ATAD2B: variants seen among roughly 807,000 people sequenced by gnomAD.
ATAD2B encodes ATPase family AAA domain containing 2B.
A neutral mutation model predicts 167.6 loss-of-function variants in ATAD2B; 40 were observed. The ratio of observed to expected loss-of-function variants is 0.24; its 90% CI spans 0.19 to 0.31. The LOEUF (loss-of-function observed/expected upper bound fraction) is 0.31, where lower values mean the gene tolerates loss of function less well. Among genes scored for constraint, ATAD2B ranks in the 10% least tolerant of loss-of-function variants. The pLI is 1.00. For missense variants in ATAD2B, 1,242 were observed against 1,757.2 expected, an observed-to-expected ratio of 0.71 and a Z score of 5.24; for synonymous variants, 579 against 596.5, an observed-to-expected ratio of 0.97 and a Z score of 0.43.
At chr2:23,762,424 A>C in intron 23 of ATAD2B, 78 bp from the exon 24 acceptor site, 3 of 1,438,358 alleles carry the variant, frequency 2.1e-6, no homozygotes, top group Non-Finnish European at 2.8e-6. Flanking sequence ...AAAATCTCAA[A>C]TACAAAACTG....
intron 13 of ATAD2B, among the ~76,000 whole-genome samples, chr2:23,851,440 C>A (rs1692551455): frequency 6.6e-6 from 1 of 152,198 alleles, no homozygotes; most frequent in Non-Finnish European, 1.5e-5. Flanking sequence ...TGTGCCCAGT[C>A]ATGAATAGTC....
At chr2:23,808,435 C>A (rs1226423356) in intron 18 of ATAD2B, among the ~76,000 whole-genome samples, 1 of 151,722 alleles carries the variant, frequency 6.6e-6, no homozygotes, top group African/African-American at 2.4e-5. Context: ...CTGTCCCCCT[C>A]AGCAACTTTT....
Position 23,863,567 on chromosome 2 carries a change from A to G in ATAD2B, c.1305-12T>C, listed in dbSNP as rs1694730377. The G allele has an allele frequency of 6.5e-7, 1 of 1,537,940 alleles. No homozygotes were observed. The highest frequency in any genetic ancestry group is 2.2e-5 in the Admixed American group (1 of 44,782). On this transcript the variant is annotated splice_polypyrimidine_tract_variant and intron_variant, in intron 11 of 27. Coordinates refer to ENST00000238789, the MANE Select transcript of ATAD2B (RefSeq NM_017552.4). ...AAAACAAACAGCCCCTAGAAGAATAAAAAAATCAAGAAGTGTAAATTATAT... is the reference window on the plus strand; with the variant it reads ...AAAACAAACAGCCCCTAGAAGAATAGAAAAATCAAGAAGTGTAAATTATAT...
Position 23,878,607 on chromosome 2 carries a change from C to T in ATAD2B, c.901+2032G>A, listed in dbSNP as rs1179520223. Among the ~76,000 whole-genome samples the T allele has an allele frequency of 6.6e-5, 10 of 151,998 alleles. No individual in the cohort carries two copies. In the East Asian group the frequency reaches 1.5e-3, roughly 23 times the overall value. ...CTGGGAGGCGGAGCTTGCAGTAAGC[C>T]GAGATCATGCCACTGCACTCCAGCC... On this transcript the variant is annotated intron_variant, in intron 7 of 27. Transcript: ENST00000238789.
intron 18 of ATAD2B, among the ~76,000 whole-genome samples, chr2:23,808,068 A>AATATATAAGTAATTATATAATTAT (rs1684832301): frequency 1.6e-5 from 1 of 60,952 alleles, no homozygotes; most frequent in African/African-American, 8.3e-5. Flanking sequence ...TATAAATTAT[A>AATATATAAGTAATTATATAATTAT]ATATATAAGT....
intron 24 of ATAD2B, among the ~76,000 whole-genome samples, chr2:23,761,464 A>C (rs554824956): frequency 6.6e-6 from 1 of 152,232 alleles, no homozygotes; most frequent in Non-Finnish European, 1.5e-5. Context: ...CAGTAAGTAC[A>C]ATGCAAATAT....
At chr2:23,754,412 A>G in intron 26 of ATAD2B, 105 bp from the exon 27 acceptor site, 1 of 1,256,552 alleles carries the variant, frequency 8.0e-7, no homozygotes, top group Non-Finnish European at 1.1e-6. Flanking sequence ...CGAGGATGTA[A>G]CAGTGAACAT....
the ATAD2B span, among the ~76,000 whole-genome samples, chr2:23,686,212 T>C: frequency 2.6e-5 from 4 of 151,626 alleles, no homozygotes; most frequent in African/African-American, 4.9e-5. Flanking sequence ...GACCCCATGC[T>C]AGGACCTGGG....
chr2:23,745,320 A>G (rs1172299525), downstream of ATAD2B, among the ~76,000 whole-genome samples: 1 of 151,002 alleles, frequency 6.6e-6, no homozygotes, highest in Non-Finnish European at 1.5e-5. Flanking sequence ...AAAGAAAGCA[A>G]GCGAGAAAGA....
At chr2:23,877,309 AC>A (rs1420863817) in intron 7 of ATAD2B, among the ~76,000 whole-genome samples, 1 of 151,262 alleles carries the variant, frequency 6.6e-6, no homozygotes, top group Non-Finnish European at 1.5e-5. Context: ...ACATGGTGAA[AC>A]CCCATCTCTA....
At chr2:23,877,533 G>A (rs1294357984) in intron 7 of ATAD2B, among the ~76,000 whole-genome samples, 2 of 85,046 alleles carry the variant, frequency 2.4e-5, no homozygotes, top group African/African-American at 9.2e-5. Flanking sequence ...AAGGGGAGGG[G>A]AGGGGAAGGG....
chr2:23,808,077 G>GTAATTATATATATAATTATATATATAAT (rs1194701678), intron 18 of ATAD2B, among the ~76,000 whole-genome samples: 18 of 122,784 alleles, frequency 1.5e-4, no homozygotes, highest in Non-Finnish European at 2.3e-4. Flanking sequence ...TAATATATAA[G>GTAATTATATATATAATTATATATATAAT]TAATTATATA....
chr2:23,683,064 C>T, the ATAD2B span, among the ~76,000 whole-genome samples: 4 of 152,362 alleles, frequency 2.6e-5, no homozygotes, highest in Middle Eastern at 6.8e-3. Context: ...GATCCTCAAT[C>T]CCCATTTTAC....
At chr2:23,732,158 T>C in the ATAD2B span, among the ~76,000 whole-genome samples, 1 of 152,040 alleles carries the variant, frequency 6.6e-6, no homozygotes, top group Non-Finnish European at 1.5e-5. Flanking sequence ...TTATGAGAAA[T>C]ACAAAAGATA....
In ATAD2B at chr2:23,887,501, T is replaced by C. The variant is rs538505861; in HGVS notation, c.572+331A>G. Among the ~76,000 whole-genome samples the C allele has an allele frequency of 7.9e-5, 12 of 152,344 alleles. No homozygotes were observed. In the East Asian group the frequency reaches 2.3e-3, roughly 29 times the overall value. ...TCACTGTAGAATATAATTTCCTCTC[T>C]TGTCAAATAGCGATTGTACTGACCA... is the stretch of plus-strand genomic sequence containing the variant. On this transcript the variant is annotated intron_variant, in intron 4 of 27. Transcript: ENST00000238789.
intron 2 of ATAD2B, among the ~76,000 whole-genome samples, chr2:23,891,840 T>C (rs1406864354): frequency 6.6e-6 from 1 of 152,146 alleles, no homozygotes; most frequent in African/African-American, 2.4e-5. Context: ...AGTTTCACTT[T>C]GCATTAGGTG....
chr2:23,925,445 ACCC>A (rs1704592551), intron 1 of ATAD2B, among the ~76,000 whole-genome samples: 1 of 152,224 alleles, frequency 6.6e-6, no homozygotes, highest in Non-Finnish European at 1.5e-5. Context: ...GATCTTGTAG[ACCC>A]CTAGAACATA....
chr2:23,690,273 C>G, the ATAD2B span: 1 of 152,254 alleles, frequency 6.6e-6, no homozygotes, highest in Non-Finnish European at 1.5e-5. Flanking sequence ...CAAGGGAATT[C>G]AGACCTCATC....
chr2:23,896,217 T>G (rs1339268987), intron 1 of ATAD2B, among the ~76,000 whole-genome samples: 2 of 150,934 alleles, frequency 1.3e-5, no homozygotes, highest in East Asian at 3.9e-4. Context: ...GCTACTTGCT[T>G]GGGAGGCTGA....
Sources: gnomAD v4.1 joint callset for allele counts (sites outside exome capture counted in the v4.1 genomes callset) on GRCh38, gnomAD v4.1.1 for gene constraint, MANE v1.5 for transcripts, NCBI Gene and HGNC (gene_info 2026-07-23, HGNC 2026-07-21) for gene names.